The following SGMS2 variants were observed in gnomAD, a reference collection of about 807,000 sequenced individuals.
The protein encoded by SGMS2 is phosphatidylcholine:ceramide cholinephosphotransferase 2.
In SGMS2, 21 loss-of-function variants were observed where a neutral mutation model predicts 43.8. The ratio of observed to expected loss-of-function variants is 0.48; its 90% CI spans 0.34 to 0.69. The LOEUF is 0.69. Ranked by LOEUF, SGMS2 falls within the 30% of genes least tolerant of loss-of-function variation. SGMS2 has a pLI of 0.01. For missense variants in SGMS2, 384 were observed against 443.2 expected (o/e 0.87, Z 1.20); for synonymous variants, 167 against 160.6 (o/e 1.04, Z -0.30).
At position 107,903,297 on chromosome 4, in the gene SGMS2, C is replaced by T. The variant is rs754806409; in HGVS notation, c.638C>T (p.Ser213Phe). 1 of 1,613,808 alleles carries T rather than the reference C, an allele frequency of 6.2e-7. No individual in the cohort carries two copies. The highest frequency in any genetic ancestry group is 1.3e-5 in the African/African-American group (1 of 74,904). The change falls in exon 5 of 7, where the codon TCC becomes TTC. Residue 213 changes from serine (S) to phenylalanine (F), a missense_variant. Transcript: ENST00000690982. ...ILRLISGGGL[S>F]ITGSHILCGD... is the part of the protein sequence containing the mutation. ...CGATTGATTTCTGGTGGTGGATTGTCCATAACTGGATCACATATCTTATGT... is the reference window on the plus strand; with the variant it reads ...CGATTGATTTCTGGTGGTGGATTGTTCATAACTGGATCACATATCTTATGT...
intron 1 of SGMS2, among the ~76,000 whole-genome samples, chr4:107,840,067 A>G (rs1027885061): frequency 6.6e-6 from 1 of 152,234 alleles, no homozygotes; most frequent in African/African-American, 2.4e-5. Flanking sequence ...GTTTAATAGA[A>G]AACTGAAGAG....
intron 1 of SGMS2, among the ~76,000 whole-genome samples, chr4:107,853,456 T>G (rs935014246): frequency 1.3e-5 from 2 of 152,018 alleles, no homozygotes; most frequent in African/African-American, 4.8e-5. Context: ...CTTTTCTCCC[T>G]CCCCCTCAGT....
rs1727975090 is a variant in SGMS2 at position 107,864,553 on chromosome 4, A to G, written c.-245+6000A>G. On this transcript the variant is annotated intron_variant, in intron 2 of 6. Transcript: ENST00000690982. ...TTAGGTAGAAACTCTGGTCAGTTGT[A>G]CAACATAAGTACATGACGTTTTATT... 2.0e-5 allele frequency: 3 copies of G among 152,242 alleles called. No homozygotes were observed. The South Asian group carries it at 6.2e-4, about 31-fold the overall frequency. The allele number at this position is 152,242 out of a possible 1,614,324, so 9.4% of individuals were successfully genotyped here. A position where few individuals can be genotyped will look rare whatever the true frequency, so the allele number is the denominator to read the frequency against.
intron 2 of SGMS2, among the ~76,000 whole-genome samples, chr4:107,869,513 A>G (rs955198015): frequency 1.3e-5 from 2 of 152,182 alleles, no homozygotes; most frequent in African/African-American, 4.8e-5. Flanking sequence ...AAAGCCTTGT[A>G]AGCAATGCTA....
rs992281981 is a variant in SGMS2 at position 107,910,750 on chromosome 4, T to C, written c.*197T>C. 5.2e-5 allele frequency: 29 copies of C among 557,242 alleles called. No individual in the cohort carries two copies. Among genetic ancestry groups the C allele is most frequent in the African/African-American group, 1.1e-4 (6 of 52,874 alleles). The allele number at this position is 557,242 out of a possible 1,614,324, so 34.5% of individuals were successfully genotyped here. On this transcript the variant is annotated 3_prime_UTR_variant, in exon 7 of 7. Transcript: ENST00000690982. ...TTCATCCTGAGAAAGATACATTCTCTTGCAGCTCTTCATTCATTGGTGACA... is the reference window on the plus strand; with the variant it reads ...TTCATCCTGAGAAAGATACATTCTCCTGCAGCTCTTCATTCATTGGTGACA...
chr4:107,827,111 T>A (rs570225987), intron 1 of SGMS2, among the ~76,000 whole-genome samples: 8 of 152,346 alleles, frequency 5.3e-5, no homozygotes, highest in South Asian at 2.1e-4. Flanking sequence ...GAACTTTTTT[T>A]AAAAGTGATG....
chr4:107,851,072 A>G (rs1166677592), intron 1 of SGMS2, among the ~76,000 whole-genome samples: 7 of 152,172 alleles, frequency 4.6e-5, no homozygotes, highest in African/African-American at 1.7e-4. Context: ...TCCTGCCTCT[A>G]AAACTTAAAA....
Position 107,911,528 on chromosome 4 carries a change from C to T in SGMS2, c.*975C>T, listed in dbSNP as rs1222874785. The T allele has an allele frequency of 2.0e-5, 3 of 152,168 alleles. No homozygotes were observed. The highest frequency in any genetic ancestry group is 2.9e-5 in the Non-Finnish European group (2 of 68,026). 9.4% of individuals were successfully genotyped at this position (152,168 alleles called of 1,614,324 possible). ...ATTGGAGCACAGAAATGTATTTGGT[C>T]AAATTTCATTGAAGGTGATTTCTTC... On this transcript the variant is annotated 3_prime_UTR_variant, in exon 7 of 7. Coordinates refer to ENST00000690982, the MANE Select transcript of SGMS2 (RefSeq NM_001375905.1).
chr4:107,831,984 C>A (rs1329169843), intron 1 of SGMS2, among the ~76,000 whole-genome samples: 1 of 152,138 alleles, frequency 6.6e-6, no homozygotes, highest in Non-Finnish European at 1.5e-5. Flanking sequence ...CACCACTGTC[C>A]CAGAAAGTGC....
chr4:107,847,953 T>G (rs770780870), intron 1 of SGMS2, among the ~76,000 whole-genome samples: 3 of 152,144 alleles, frequency 2.0e-5, no homozygotes, highest in Non-Finnish European at 4.4e-5. Context: ...TAGTTTAGAG[T>G]TCACTTTTTA....
At chr4:107,858,633 G>C (rs1023944411) in intron 2 of SGMS2, 80 bp downstream of exon 2, 2 of 152,120 alleles carry the variant, frequency 1.3e-5, no homozygotes, top group African/African-American at 2.4e-5. Context: ...ACTTACATCA[G>C]CTGAAGGTTG....
chr4:107,859,817 G>A (rs1727627259), intron 2 of SGMS2, among the ~76,000 whole-genome samples: 1 of 152,138 alleles, frequency 6.6e-6, no homozygotes, highest in African/African-American at 2.4e-5. Flanking sequence ...CAGGAAAGGA[G>A]AGAGTGAAAC....
At chr4:107,828,936 G>A (rs1188145791) in intron 1 of SGMS2, among the ~76,000 whole-genome samples, 5 of 152,194 alleles carry the variant, frequency 3.3e-5, no homozygotes, top group African/African-American at 4.8e-5. Flanking sequence ...CTGTTTGTGT[G>A]TGTTATTTTT....
In SGMS2 at chr4:107,913,284, G is replaced by GT. The variant is rs778666876; in HGVS notation, c.*2736dup. On this transcript the variant is annotated 3_prime_UTR_variant, in exon 7 of 7. Coordinates refer to ENST00000690982, the MANE Select transcript of SGMS2 (RefSeq NM_001375905.1). ...TCAAATGAAATTCTCTCAGATTCTA[G>GT]TTTTTGAGCTTGTCCACTAGATCTG... is the stretch of plus-strand genomic sequence containing the variant. 7 of 151,840 alleles carry GT rather than the reference G, an allele frequency of 4.6e-5. No individual in the cohort carries two copies. The highest frequency in any genetic ancestry group is 1.0e-4 in the Non-Finnish European group (7 of 67,990). 9.4% of individuals were successfully genotyped at this position (151,840 alleles called of 1,614,324 possible).
intron 6 of SGMS2, among the ~76,000 whole-genome samples, chr4:107,908,968 A>C (rs1483704130): frequency 6.6e-6 from 1 of 152,238 alleles, no homozygotes; most frequent in African/African-American, 2.4e-5. Flanking sequence ...CAGGTAACTT[A>C]AACTAGAATG....
intron 2 of SGMS2, among the ~76,000 whole-genome samples, chr4:107,883,489 T>C (rs1251208799): frequency 6.6e-6 from 1 of 152,180 alleles, no homozygotes; most frequent in Non-Finnish European, 1.5e-5. Flanking sequence ...TAATTTTTTG[T>C]ATTTTTAGTA....
chr4:107,873,170 C>T (rs1229994186), intron 2 of SGMS2, among the ~76,000 whole-genome samples: 1 of 152,118 alleles, frequency 6.6e-6, no homozygotes, highest in Non-Finnish European at 1.5e-5. Flanking sequence ...AGGGTAGAAG[C>T]TTGTGTGCTA....
Position 107,839,026 on chromosome 4 carries a change from C to T in SGMS2, c.-327+13773C>T, listed in dbSNP as rs1296462598. On this transcript the variant is annotated intron_variant, in intron 1 of 6. Coordinates refer to ENST00000690982, the MANE Select transcript of SGMS2 (RefSeq NM_001375905.1). ...GCCAGTGATTGATTCTGAAGGCTTG[C>T]TTAGCTCCATTCCTTTCTTCTTGGA... 2.6e-5 allele frequency among the ~76,000 whole-genome samples: 4 copies of T among 152,166 alleles called. No homozygotes were observed. The East Asian group carries it at 5.8e-4, about 22-fold the overall frequency.
Position 107,910,477 on chromosome 4 carries a change from C to T in SGMS2, c.1022C>T (p.Pro341Leu), listed in dbSNP as rs1454009424. 2 of 1,614,058 alleles carry T rather than the reference C, an allele frequency of 1.2e-6. No homozygotes were observed. The highest frequency in any genetic ancestry group is 3.3e-5 in the Admixed American group (2 of 60,000). Residue 341 changes from proline to leucine, a missense_variant, in exon 7 of 7, where the codon CCT (proline) becomes CTT (leucine). Transcript: ENST00000690982. ...TTCTCCTGGCCGCTGTCTTGGCCTCCTGGCTGCTTCAAATCATCATGCAAA... is the reference window on the plus strand; with the variant it reads ...TTCTCCTGGCCGCTGTCTTGGCCTCTTGGCTGCTTCAAATCATCATGCAAA... Reference protein sequence around the residue: ...CCFSWPLSWPPGCFKSSCKKY... With the variant: ...CCFSWPLSWPLGCFKSSCKKY...
Sources: allele counts gnomAD v4.1 joint callset (sites outside exome capture counted in the v4.1 genomes callset), GRCh38; gene constraint gnomAD v4.1.1; transcripts MANE v1.5; gene names NCBI Gene and HGNC (gene_info 2026-07-23, HGNC 2026-07-21).